ABCA13: variants seen among roughly 807,000 people sequenced by gnomAD.
ABCA13 encodes the protein ATP-binding cassette sub-family A member 13.
In ABCA13, 476 loss-of-function variants were observed where a neutral mutation model predicts 478.7. The ratio of observed to expected loss-of-function variants is 0.99; its 90% CI spans 0.92 to 1.07. The LOEUF is 1.07. ABCA13 is among the 50% of genes least tolerant of loss of function. The pLI is 0.00. For synonymous variants in ABCA13, 2,252 were observed against 2,158.9 expected, an observed-to-expected ratio of 1.04 and a Z score of -1.20; for missense variants, 6,060 against 5,910.6, an observed-to-expected ratio of 1.03 and a Z score of -0.83.
chr7:48,472,173 G>A (rs1358648025), intron 45 of ABCA13, among the ~76,000 whole-genome samples: 4 of 152,108 alleles, frequency 2.6e-5, no homozygotes, highest in Non-Finnish European at 5.9e-5. Flanking sequence ...AAAAGGCATA[G>A]ACCTGCTAGC....
intron 8 of ABCA13, among the ~76,000 whole-genome samples, chr7:48,235,712 C>T (rs1789848078): frequency 6.6e-6 from 1 of 152,150 alleles, no homozygotes; most frequent in Non-Finnish European, 1.5e-5. Flanking sequence ...ATTATTCCAT[C>T]TTCAATGGCT....
chr7:48,217,998 C>T (rs985140091), intron 3 of ABCA13, among the ~76,000 whole-genome samples: 1 of 152,212 alleles, frequency 6.6e-6, no homozygotes, highest in South Asian at 2.1e-4. Context: ...CTCTGGAATT[C>T]ACTCTCTCTC....
intron 15 of ABCA13, among the ~76,000 whole-genome samples, chr7:48,256,015 G>A (rs1051448263): frequency 6.6e-6 from 1 of 152,150 alleles, no homozygotes; most frequent in African/African-American, 2.4e-5. Flanking sequence ...ACTGCAGTGA[G>A]ATGGTATCTC....
intron 27 of ABCA13, among the ~76,000 whole-genome samples, chr7:48,325,293 GGAACCTATTGGTGGCTAT>G (rs780471075): frequency 3.9e-4 from 59 of 152,130 alleles, no homozygotes; most frequent in Non-Finnish European, 6.5e-4. Flanking sequence ...CTGAGAACCA[GGAACCTATTGGTGGCTAT>G]GACCACCCTG....
intron 48 of ABCA13, among the ~76,000 whole-genome samples, chr7:48,496,114 A>G (rs1325741543): frequency 2.0e-5 from 3 of 152,002 alleles, no homozygotes; most frequent in Non-Finnish European, 2.9e-5. Context: ...TTACTAATAT[A>G]TTTGGGTGTA....
At chr7:48,534,326 T>G (rs923619001) in intron 55 of ABCA13, among the ~76,000 whole-genome samples, 2 of 152,300 alleles carry the variant, frequency 1.3e-5, no homozygotes, top group Admixed American at 1.3e-4. Flanking sequence ...CTTTCAGGAT[T>G]TCTTCTGAGA....
chr7:48,642,110 G>T (rs1204821417), intron 59 of ABCA13, among the ~76,000 whole-genome samples: 2 of 152,156 alleles, frequency 1.3e-5, no homozygotes, highest in Admixed American at 1.3e-4. Context: ...ATGATGGGAG[G>T]CTACTGTGGC....
intron 50 of ABCA13, among the ~76,000 whole-genome samples, chr7:48,508,812 C>T (rs1831433925): frequency 6.6e-6 from 1 of 152,194 alleles, no homozygotes; most frequent in Non-Finnish European, 1.5e-5. Flanking sequence ...AGCTGTGCTA[C>T]ACCAGGCACA....
At chr7:48,624,330 C>T (rs891405117) in intron 59 of ABCA13, among the ~76,000 whole-genome samples, 1 of 152,284 alleles carries the variant, frequency 6.6e-6, no homozygotes, top group East Asian at 1.9e-4. Context: ...GAACCATTAA[C>T]AGCTGCATGC....
At chr7:48,375,301 G>A (rs1366950113) in intron 34 of ABCA13, among the ~76,000 whole-genome samples, 3 of 151,960 alleles carry the variant, frequency 2.0e-5, no homozygotes, top group African/African-American at 7.3e-5. Flanking sequence ...TGTTGACCTG[G>A]GATCTGTCTT....
At chr7:48,257,560 C>A (rs1400247104) in intron 15 of ABCA13, among the ~76,000 whole-genome samples, 1 of 152,104 alleles carries the variant, frequency 6.6e-6, no homozygotes, top group African/African-American at 2.4e-5. Context: ...TTGAGATGAT[C>A]ATGTGGTTTT....
Position 48,410,579 on chromosome 7 carries a change from G to T in ABCA13, c.12130G>T (p.Val4044Leu), listed in dbSNP as rs199950586. The stretch of plus-strand genomic sequence containing the variant: ...TGAAGCTGAAGCGCTGAGTGACCGC[G>T]TGGCCGTCCTCCAGCATGGGAGGCT... ...LDEAEALSDR[V>L]AVLQHGRLRC... is the part of the protein sequence containing the mutation. Residue 4044 changes from valine (V) to leucine (L), a missense_variant, in exon 40 of 62, where the codon GTG becomes TTG. Physicochemically the swap from Val to Leu is conservative, Grantham distance 32. Transcript: ENST00000435803. The T allele has an allele frequency of 5.6e-6, 9 of 1,614,002 alleles. No individual in the cohort carries two copies. Among genetic ancestry groups the T allele is most frequent in the East Asian group, 4.5e-5 (2 of 44,872 alleles).
At chr7:48,265,710 T>C (rs968043439) in intron 15 of ABCA13, among the ~76,000 whole-genome samples, 30 of 151,724 alleles carry the variant, frequency 2.0e-4, no homozygotes, top group Non-Finnish European at 1.3e-4. Flanking sequence ...ATGTTATCTG[T>C]GAATAAAGAT....
At chr7:48,553,319 G>A (rs940013033) in intron 55 of ABCA13, among the ~76,000 whole-genome samples, 1 of 151,964 alleles carries the variant, frequency 6.6e-6, no homozygotes, top group South Asian at 2.1e-4. Context: ...TTTCTTTTGG[G>A]TATATACCTA....
rs536471715 is a variant in ABCA13 at position 48,646,090 on chromosome 7, A to G, written c.*578A>G. 1 of 152,358 alleles carries G rather than the reference A, an allele frequency of 6.6e-6. No homozygotes were observed. The allele number at this position is 152,358 out of a possible 1,614,324, so 9.4% of individuals were successfully genotyped here. A position where few individuals can be genotyped will look rare whatever the true frequency, so the allele number is the denominator to read the frequency against. On this transcript the variant is annotated 3_prime_UTR_variant, in exon 62 of 62. Coordinates refer to ENST00000435803, the MANE Select transcript of ABCA13 (RefSeq NM_152701.5). ...ATCACCAATTTTTTACATATAAAAG[A>G]TACCTTTTTAAAAAAATAGGTTTTA...
intron 42 of ABCA13, among the ~76,000 whole-genome samples, chr7:48,429,368 C>A (rs1432796500): frequency 6.6e-6 from 1 of 152,214 alleles, no homozygotes; most frequent in African/African-American, 2.4e-5. Flanking sequence ...AAAGTGATCA[C>A]ACCTTACATT....
At chr7:48,534,889 C>G (rs1833466805) in intron 55 of ABCA13, among the ~76,000 whole-genome samples, 1 of 152,122 alleles carries the variant, frequency 6.6e-6, no homozygotes, top group South Asian at 2.1e-4. Flanking sequence ...ATCTATTACA[C>G]TGGAGATTTT....
chr7:48,616,649 A>G (rs2131574129), intron 59 of ABCA13, among the ~76,000 whole-genome samples: 1 of 152,274 alleles, frequency 6.6e-6, no homozygotes, highest in East Asian at 1.9e-4. Flanking sequence ...TTGTTAGTGG[A>G]TATGAACTGT....
chr7:48,297,407 A>G lies in ABCA13; in HGVS notation c.9199+96A>G, dbSNP rs189433945. On this transcript the variant is annotated intron_variant, in intron 22 of 61. Transcript: ENST00000435803. ...AAATAAAACATACAACAGAAAATTT[A>G]TGCTATATGTGATACATAATCATTT... 34 of 1,200,364 alleles carry G rather than the reference A, an allele frequency of 2.8e-5. No individual in the cohort carries two copies. In the East Asian group the frequency reaches 8.7e-4, roughly 31 times the overall value. 74.4% of individuals were successfully genotyped at this position (1,200,364 alleles called of 1,614,324 possible).
Sources: allele counts gnomAD v4.1 joint callset (sites outside exome capture counted in the v4.1 genomes callset), GRCh38; gene constraint gnomAD v4.1.1; transcripts MANE v1.5; gene names NCBI Gene and HGNC (gene_info 2026-07-23, HGNC 2026-07-21).